SOX6: variants seen among roughly 807,000 people sequenced by gnomAD.
SOX6 encodes the protein SRY-box transcription factor 6, also known as transcription factor SOX-6.
SOX6 carries 11 observed loss-of-function variants against 97.8 expected under a neutral mutation model. That is an observed-to-expected ratio of 0.11 (90% CI 0.07 to 0.19). The LOEUF (loss-of-function observed/expected upper bound fraction) is 0.19, where lower values mean the gene tolerates loss of function less well. Among genes scored for constraint, SOX6 ranks in the 10% least tolerant of loss-of-function variants. The pLI is 1.00. For missense variants in SOX6, 810 were observed against 1,039.5 expected (o/e 0.78, Z 3.04); for synonymous variants, 360 against 371.4 (o/e 0.97, Z 0.35).
At chr11:16,359,707 G>T (rs1447042089), upstream of SOX6, among the ~76,000 whole-genome samples, 1 of 152,110 alleles carries the variant, frequency 6.6e-6, no homozygotes, top group Admixed American at 6.6e-5. Context: ...TAGATGAAGC[G>T]AGTAGGGAAC....
chr11:16,374,168 A>C (rs184928810), intron 1 of SOX6, among the ~76,000 whole-genome samples: 1 of 152,176 alleles, frequency 6.6e-6, no homozygotes, highest in Admixed American at 6.6e-5. Context: ...ATTATTCAGA[A>C]CATCCTGGAC....
At chr11:16,270,156 C>T (rs1358708846) in intron 3 of SOX6, 2 of 151,174 alleles carry the variant, frequency 1.3e-5, no homozygotes, top group Non-Finnish European at 3.0e-5. Context: ...CAAAAGACAA[C>T]CCAATTTTAA....
intron 4 of SOX6, among the ~76,000 whole-genome samples, chr11:16,540,161 A>G (rs550852346): frequency 6.6e-6 from 1 of 152,284 alleles, no homozygotes; most frequent in East Asian, 1.9e-4. Context: ...CAATGCTGGT[A>G]CAACATACGC....
At chr11:16,419,011 T>C (rs1858977636) in intron 1 of SOX6, among the ~76,000 whole-genome samples, 1 of 152,180 alleles carries the variant, frequency 6.6e-6, no homozygotes, top group Non-Finnish European at 1.5e-5. Context: ...AGAGTATTTA[T>C]ATTAACATTC....
chr11:16,486,057 G>A (rs1860428449), intron 4 of SOX6, among the ~76,000 whole-genome samples: 1 of 146,592 alleles, frequency 6.8e-6, no homozygotes, highest in Admixed American at 7.2e-5. Context: ...TTTTACAAAG[G>A]CAGCTTATCA....
chr11:16,429,625 A>AAACAATAGAAACTACCTCAGACTAT lies in SOX6; in HGVS notation c.-5+46689_-5+46690insATAGTCTGAGGTAGTTTCTATTGTT. Among the ~76,000 whole-genome samples the AAACAATAGAAACTACCTCAGACTAT allele has an allele frequency of 2.6e-5, 4 of 152,152 alleles. No homozygotes were observed. In the South Asian group the frequency reaches 8.3e-4, roughly 32 times the overall value. On this transcript the variant is annotated intron_variant, in intron 1 of 15. Coordinates refer to the SOX6 transcript ENST00000396356. The stretch of plus-strand genomic sequence containing the variant: ...ATCACTTGTAAGTGGGAGCTAAATG[A>AAACAATAGAAACTACCTCAGACTAT]TGAAAACACATGGACACATAGAGGG...
intron 4 of SOX6, among the ~76,000 whole-genome samples, chr11:16,553,086 G>A (rs535868975): frequency 6.6e-6 from 1 of 152,204 alleles, no homozygotes; most frequent in Non-Finnish European, 1.5e-5. Context: ...TTAAACCCAA[G>A]AATTTATCAT....
chr11:16,044,234 T>C (rs1040512841), intron 12 of SOX6, among the ~76,000 whole-genome samples: 16 of 152,042 alleles, frequency 1.1e-4, no homozygotes, highest in African/African-American at 3.6e-4. Context: ...GCAAAGAGTG[T>C]CCAAATGAGG....
chr11:16,539,064 T>A (rs923793544), intron 4 of SOX6, among the ~76,000 whole-genome samples: 1 of 152,150 alleles, frequency 6.6e-6, no homozygotes, highest in African/African-American at 2.4e-5. Flanking sequence ...AATTGACTAC[T>A]TAATTGGAAA....
intron 1 of SOX6, among the ~76,000 whole-genome samples, chr11:16,395,650 A>G (rs1858332522): frequency 6.6e-6 from 1 of 151,774 alleles, no homozygotes; most frequent in Admixed American, 6.6e-5. Context: ...TTGTTTAATT[A>G]AAGTATAATA....
Position 15,989,091 on chromosome 11 carries a change from T to A in SOX6, c.1872A>T (p.Pro624=). Residue 624 remains proline (P), a synonymous_variant, in exon 14 of 16, where the codon CCA becomes CCT. Coordinates refer to ENST00000683767, the MANE Select transcript of SOX6 (RefSeq NM_001367873.1). ...TTGCCCAAACCATGAATGCATTCATTGGTCGCTTAATGTGTGGCTCGCTGC... is the reference window on the plus strand; with the variant it reads ...TTGCCCAAACCATGAATGCATTCATAGGTCGCTTAATGTGTGGCTCGCTGC... ...RASSEPHIKR[P]MNAFMVWAKD... The A allele has an allele frequency of 6.2e-7, 1 of 1,614,206 alleles. No individual in the cohort carries two copies. Among genetic ancestry groups the A allele is most frequent in the Non-Finnish European group, 8.5e-7 (1 of 1,180,014 alleles).
Position 16,466,337 on chromosome 11 carries a change from T to G in SOX6, c.-5+9978A>C, listed in dbSNP as rs540017072. Among the ~76,000 whole-genome samples, 3 of 152,320 alleles carry G rather than the reference T, an allele frequency of 2.0e-5. No individual in the cohort carries two copies. In the South Asian group the frequency reaches 6.2e-4, roughly 32 times the overall value. On this transcript the variant is annotated intron_variant, in intron 1 of 15. Transcript: ENST00000396356. ...AGTGACACATTTCACTTATTAATCT[T>G]TATAAGCTGAATAGTTACTAAAATA...
intron 1 of SOX6, among the ~76,000 whole-genome samples, chr11:16,459,260 G>C (rs1239027269): frequency 2.0e-5 from 3 of 151,974 alleles, no homozygotes; most frequent in Non-Finnish European, 4.4e-5. Context: ...GGTTCCAAAT[G>C]ACAGAGCTTA....
At chr11:16,023,019 C>T (rs1414166136) in intron 12 of SOX6, among the ~76,000 whole-genome samples, 1 of 152,078 alleles carries the variant, frequency 6.6e-6, no homozygotes, top group Non-Finnish European at 1.5e-5. Flanking sequence ...TTCCGAATGC[C>T]ACTTTTTCTT....
chr11:16,318,169 CT>C, intron 3 of SOX6: 21 of 455,482 alleles, frequency 4.6e-5, no homozygotes, highest in African/African-American at 7.9e-5. Context: ...CTCTTGTTAC[CT>C]TTTTCCAGAG....
rs916885360 is a variant in SOX6 at position 16,501,326 on chromosome 11, C to T, written n.610-24938G>A. ...AAATTAATTCAAGATGGATTAAAGA[C>T]TTAAATGTTAGACCTAAAACCATAA... is the stretch of plus-strand genomic sequence containing the variant. On this transcript the variant is annotated intron_variant and non_coding_transcript_variant, in intron 4 of 5. Transcript: ENST00000524520. Among the ~76,000 whole-genome samples, 502 of 145,936 alleles carry T rather than the reference C, an allele frequency of 3.4e-3. 5 individuals are homozygous for T. The highest frequency in any genetic ancestry group is 0.012 in the African/African-American group (484 of 40,998).
chr11:16,696,610 T>C (rs974552584), intron 3 of SOX6, among the ~76,000 whole-genome samples: 3 of 152,212 alleles, frequency 2.0e-5, no homozygotes, highest in African/African-American at 7.2e-5. Flanking sequence ...TCAAGTATAA[T>C]AGCATTATGT....
intron 7 of SOX6, among the ~76,000 whole-genome samples, chr11:16,108,519 T>C (rs1849153530): frequency 6.6e-6 from 1 of 152,186 alleles, no homozygotes; most frequent in Non-Finnish European, 1.5e-5. Context: ...TCTTGATTGG[T>C]GCACCTCTCT....
intron 6 of SOX6, among the ~76,000 whole-genome samples, chr11:16,148,034 T>C (rs1178335553): frequency 6.6e-6 from 1 of 152,142 alleles, no homozygotes; most frequent in Admixed American, 6.6e-5. Context: ...TAACAAACTA[T>C]AAAAAACAAG....
Sources: gnomAD v4.1 joint callset for allele counts (sites outside exome capture counted in the v4.1 genomes callset) on GRCh38, gnomAD v4.1.1 for gene constraint, MANE v1.5 for transcripts, NCBI Gene and HGNC (gene_info 2026-07-23, HGNC 2026-07-21) for gene names.